The following NIPA2 variants were observed in gnomAD, a reference collection of about 807,000 sequenced individuals.
The protein encoded by NIPA2 is NIPA magnesium transporter 2, also known as magnesium transporter NIPA2.
In NIPA2, 11 loss-of-function variants were observed where a neutral mutation model predicts 29.7. That is an observed-to-expected ratio of 0.37 (90% CI 0.23 to 0.61). NIPA2 has a LOEUF of 0.61. Among genes scored for constraint, NIPA2 ranks in the 20% least tolerant of loss-of-function variants. The pLI, the probability that NIPA2 is intolerant of heterozygous loss-of-function variation, is 0.66. For synonymous variants in NIPA2, 183 were observed against 161.9 expected (o/e 1.13, Z -0.99); for missense variants, 426 against 437.9 (o/e 0.97, Z 0.24).
intron 2 of NIPA2, among the ~76,000 whole-genome samples, chr15:22,844,224 A>G (rs1476711847): frequency 6.6e-6 from 1 of 152,144 alleles, no homozygotes; most frequent in Non-Finnish European, 1.5e-5. Context: ...TTTATGTTTA[A>G]TGAAAGTTCA....
intron 5 of NIPA2, among the ~76,000 whole-genome samples, chr15:22,855,488 TC>T (rs2058112504): frequency 6.6e-6 from 1 of 151,918 alleles, no homozygotes; most frequent in African/African-American, 2.4e-5. Flanking sequence ...ATTGATCATG[TC>T]TTGTATGCCA....
intron 7 of NIPA2, among the ~76,000 whole-genome samples, chr15:22,862,049 C>CTTTTTTTTTTTTTTT (rs57513456): frequency 7.7e-5 from 8 of 103,950 alleles, no homozygotes; most frequent in South Asian, 3.6e-4. Context: ...ATGGGTCTCT[C>CTTTTTTTTTTTTTTT]TTTTTTTTTT....
At chr15:22,859,494 A>G (rs530949612) in intron 6 of NIPA2, among the ~76,000 whole-genome samples, 4 of 152,054 alleles carry the variant, frequency 2.6e-5, no homozygotes, top group South Asian at 2.1e-4. Context: ...TGGTTTCACC[A>G]TGTTAGCCAG....
At chr15:22,849,899 G>A (rs2057600348) in intron 3 of NIPA2, among the ~76,000 whole-genome samples, 2 of 151,970 alleles carry the variant, frequency 1.3e-5, no homozygotes. Flanking sequence ...GTTGTGGGGT[G>A]ACCTGGCTTT....
chr15:22,863,301 C>G (rs984921385), intron 7 of NIPA2, among the ~76,000 whole-genome samples: 3 of 151,950 alleles, frequency 2.0e-5, no homozygotes, highest in Non-Finnish European at 4.4e-5. Flanking sequence ...CTGGGCTGGT[C>G]TCAACCTACT....
intron 7 of NIPA2, among the ~76,000 whole-genome samples, chr15:22,863,876 CT>C (rs1489407619): frequency 6.6e-6 from 1 of 152,088 alleles, no homozygotes; most frequent in Non-Finnish European, 1.5e-5. Context: ...TTTGATGGCT[CT>C]TTGATGCCCT....
intron 2 of NIPA2, among the ~76,000 whole-genome samples, chr15:22,840,099 T>G (rs1424405076): frequency 6.6e-6 from 1 of 151,944 alleles, no homozygotes; most frequent in Non-Finnish European, 1.5e-5. Context: ...TTTTGTATTT[T>G]TTTTAGAACC....
rs1290219550 is a variant in NIPA2 at position 22,851,848 on chromosome 15, C to T, written c.117C>T (p.Ala39=). 1 of 1,613,610 alleles carries T rather than the reference C, an allele frequency of 6.2e-7. No individual in the cohort carries two copies. Among genetic ancestry groups the T allele is most frequent in the Non-Finnish European group, 8.5e-7 (1 of 1,179,784 alleles). ...AAAAAAAGGGCCTCCTTCGACTTGC[C>T]AGGAAAGGCTCTATGAGAGCAGGTA... ...ILKKKGLLRL[A]RKGSMRAGQG... Residue 39 remains alanine (A), a synonymous_variant, in exon 4 of 8, where the codon GCC becomes GCT. Coordinates refer to ENST00000337451, the MANE Select transcript of NIPA2 (RefSeq NM_030922.7).
Position 22,866,445 on chromosome 15 carries a change from C to G in NIPA2, c.681C>G (p.Val227=). 6.2e-7 allele frequency: 1 copy of G among 1,614,134 alleles called. No individual in the cohort carries two copies. Among genetic ancestry groups the G allele is most frequent in the Non-Finnish European group, 8.5e-7 (1 of 1,180,012 alleles). The part of the protein sequence containing the change: ...LAWILLLSLI[V]CVSTQINYLN... Reference sequence around the variant, plus strand: ...GGATTCTGCTGCTGAGCCTCATCGTCTGTGTGAGCACACAGATTAATTACC... The same window carrying G: ...GGATTCTGCTGCTGAGCCTCATCGTGTGTGTGAGCACACAGATTAATTACC... The change falls in exon 8 of 8, where the codon GTC becomes GTG. Residue 227 remains valine, a synonymous_variant. Transcript: ENST00000337451.
intron 2 of NIPA2, among the ~76,000 whole-genome samples, chr15:22,843,983 C>T (rs556874128): frequency 3.9e-5 from 6 of 152,196 alleles, no homozygotes; most frequent in African/African-American, 1.2e-4. Context: ...AGATGTGAGC[C>T]GCCGTGCTCG....
At chr15:22,862,860 G>T (rs1265807090) in intron 7 of NIPA2, among the ~76,000 whole-genome samples, 8 of 147,626 alleles carry the variant, frequency 5.4e-5, no homozygotes, top group Non-Finnish European at 9.0e-5. Context: ...ATTGTTTTAA[G>T]CTTTGTTGGG....
chr15:22,844,669 A>G (rs1017385151), intron 2 of NIPA2, among the ~76,000 whole-genome samples: 1 of 152,012 alleles, frequency 6.6e-6, no homozygotes, highest in African/African-American at 2.4e-5. Context: ...GTCAGAGATC[A>G]CTGCAACCCA....
intron 5 of NIPA2, among the ~76,000 whole-genome samples, chr15:22,857,127 CCTCA>C (rs2058236283): frequency 6.6e-6 from 1 of 152,174 alleles, no homozygotes; most frequent in Admixed American, 6.5e-5. Flanking sequence ...GTCTGTCTTC[CCTCA>C]CTAAAAGTTT....
At position 22,866,731 on chromosome 15, in the gene NIPA2, A is replaced by AATC; in HGVS notation, c.968_970dup (p.Asn323_Leu324insHis). ...AAAAGACGAGAAAGCAATGAATGGC[A>AATC]ATCTCTCTAATATGTATGAAGTTCT... On this transcript the variant is annotated inframe_insertion, in exon 8 of 8. Coordinates refer to ENST00000337451, the MANE Select transcript of NIPA2 (RefSeq NM_030922.7). 1.9e-6 allele frequency: 3 copies of AATC among 1,614,040 alleles called. No individual in the cohort carries two copies. The highest frequency in any genetic ancestry group is 2.7e-5 in the African/African-American group (2 of 75,042).
At chr15:22,840,980 C>T (rs1326580338) in intron 2 of NIPA2, among the ~76,000 whole-genome samples, 2 of 118,032 alleles carry the variant, frequency 1.7e-5, no homozygotes. Context: ...TGATATTGAA[C>T]AGAAAGATAA....
At chr15:22,865,955 T>C (rs2059029079) in intron 7 of NIPA2, among the ~76,000 whole-genome samples, 1 of 152,140 alleles carries the variant, frequency 6.6e-6, no homozygotes, top group African/African-American at 2.4e-5. Context: ...GCTAGAGCAC[T>C]TAAGTCGGCA....
rs140568199 is a variant in NIPA2, at chr15:22,852,373, G to A, written c.139+503G>A. Among the ~76,000 whole-genome samples, 100 of 151,680 alleles carry A rather than the reference G, an allele frequency of 6.6e-4. 3 individuals are homozygous for A. The East Asian group carries it at 0.017, about 26-fold the overall frequency. On this transcript the variant is annotated intron_variant, in intron 4 of 7. Coordinates refer to ENST00000337451, the MANE Select transcript of NIPA2 (RefSeq NM_030922.7). ...CCCAGCTACTCAGGAGGATGAGGCA[G>A]CAGAATCGCTTGAACCCGGGAGGCA...
At chr15:22,839,448 C>T (rs1037796881) in intron 1 of NIPA2, among the ~76,000 whole-genome samples, 1 of 152,050 alleles carries the variant, frequency 6.6e-6, no homozygotes, top group African/African-American at 2.4e-5. Flanking sequence ...GCCATGTGCC[C>T]GGTTAATACT....
In NIPA2 at chr15:22,867,796, ACTTTG is replaced by A. The variant is rs1377356955; in HGVS notation, c.*953_*957del. 6 of 152,206 alleles carry A rather than the reference ACTTTG, an allele frequency of 3.9e-5. No individual in the cohort carries two copies. The highest frequency in any genetic ancestry group is 7.2e-5 in the African/African-American group (3 of 41,446). The allele number at this position is 152,206 out of a possible 1,614,324, so 9.4% of individuals were successfully genotyped here. A position where few individuals can be genotyped will look rare whatever the true frequency, so the allele number is the denominator to read the frequency against. ...AGAATATGGTCTCTTTGTACCAAGT[ACTTTG>A]CTTAAGAGCTCCTTTGGGCCACTAC... On this transcript the variant is annotated 3_prime_UTR_variant, in exon 8 of 8. Coordinates refer to ENST00000337451, the MANE Select transcript of NIPA2 (RefSeq NM_030922.7).
Sources: allele counts gnomAD v4.1 joint callset (sites outside exome capture counted in the v4.1 genomes callset), GRCh38; gene constraint gnomAD v4.1.1; transcripts MANE v1.5; gene names NCBI Gene and HGNC (gene_info 2026-07-23, HGNC 2026-07-21).